The following SIMC1 variants were observed in gnomAD, a reference collection of about 807,000 sequenced individuals.
The protein encoded by SIMC1 is SUMO-interacting motif-containing protein 1.
SIMC1 carries 55 observed loss-of-function variants against 82.3 expected under a neutral mutation model. The ratio of observed to expected loss-of-function variants is 0.67; its 90% CI spans 0.54 to 0.84. The LOEUF (loss-of-function observed/expected upper bound fraction) is 0.84. Ranked by LOEUF, SIMC1 falls within the 40% of genes least tolerant of loss-of-function variation. The probability of loss-of-function intolerance (pLI) is 0.00; values close to 1 mark genes in which losing one functional copy is unlikely to be tolerated. For missense variants in SIMC1, 915 were observed against 1,107.2 expected, an observed-to-expected ratio of 0.83 and a Z score of 2.46; for synonymous variants, 353 against 426.3, an observed-to-expected ratio of 0.83 and a Z score of 2.12.
At chr5:176,274,699 G>A (rs1183534983) in intron 1 of SIMC1, among the ~76,000 whole-genome samples, 1 of 151,808 alleles carries the variant, frequency 6.6e-6, no homozygotes, top group East Asian at 1.9e-4. Context: ...GTAAGGAAGG[G>A]ATCCAGTTTC....
chr5:176,344,465 GTA>G (rs1273084187), intron 9 of SIMC1, among the ~76,000 whole-genome samples: 9 of 97,078 alleles, frequency 9.3e-5, no homozygotes, highest in South Asian at 4.0e-4. Flanking sequence ...GAGGTCAGGA[GTA>G]TACACACACA....
Position 176,306,921 on chromosome 5 carries a change from TA to T in SIMC1, c.1735-6758del, listed in dbSNP as rs778639984. On this transcript the variant is annotated intron_variant, in intron 4 of 9. Coordinates refer to ENST00000429602, the MANE Select transcript of SIMC1 (RefSeq NM_001308195.2). ...AAGAATTATCAATAAAAAAATAAAT[TA>T]AAAAAAAAAAATAATAAAGAACTCC... Among the ~76,000 whole-genome samples, 415 of 91,472 alleles carry T rather than the reference TA, an allele frequency of 4.5e-3. 1 individual carries two copies. Among genetic ancestry groups the T allele is most frequent in the South Asian group, 0.011 (33 of 3,042 alleles). The allele number at this position is 91,472 out of a possible 152,430, so 60.0% of individuals were successfully genotyped here.
chr5:176,246,078 C>T (rs1165895603), intron 1 of SIMC1, among the ~76,000 whole-genome samples: 10 of 149,276 alleles, frequency 6.7e-5, no homozygotes, highest in Admixed American at 1.3e-4. Context: ...GGCACGATCT[C>T]GGGTCACTGC....
At position 176,345,202 on chromosome 5, in the gene SIMC1, G is replaced by C; in HGVS notation, c.2433G>C (p.Val811=). The part of the protein sequence containing the change: ...HVLREHLRSS[V]IDRKDLIIKR... ...TTGCAGAACACTTAAGGAGTTCCGT[G>C]ATCGACCGAAAGGACTTAATAATCA... The change falls in exon 10 of 10, where the codon GTG becomes GTC. Residue 811 remains valine, a synonymous_variant. Coordinates refer to ENST00000429602, the MANE Select transcript of SIMC1 (RefSeq NM_001308195.2). 1 of 1,613,820 alleles carries C rather than the reference G, an allele frequency of 6.2e-7. No homozygotes were observed. The highest frequency in any genetic ancestry group is 8.5e-7 in the Non-Finnish European group (1 of 1,179,838).
chr5:176,345,043 G>C (rs922242678), intron 9 of SIMC1, 140 bp from the exon 10 acceptor site: 2 of 1,031,894 alleles, frequency 1.9e-6, no homozygotes, highest in Non-Finnish European at 2.8e-6. Flanking sequence ...AGTTACTGCA[G>C]GCACTCACAC....
chr5:176,279,343 G>A (rs528724850), intron 1 of SIMC1, among the ~76,000 whole-genome samples: 8 of 151,816 alleles, frequency 5.3e-5, no homozygotes, highest in East Asian at 3.9e-4. Flanking sequence ...TTTTTATTGC[G>A]TCTATTTGAT....
chr5:176,319,545 G>T (rs949810912), intron 5 of SIMC1, among the ~76,000 whole-genome samples: 1 of 152,060 alleles, frequency 6.6e-6, no homozygotes, highest in Non-Finnish European at 1.5e-5. Flanking sequence ...ATAATAATAG[G>T]CTGGGCACAG....
chr5:176,272,395 A>T (rs1036406468), intron 1 of SIMC1, among the ~76,000 whole-genome samples: 1 of 151,628 alleles, frequency 6.6e-6, no homozygotes, highest in East Asian at 1.9e-4. Flanking sequence ...AAAAAAAAAA[A>T]CATACAGATT....
chr5:176,326,994 C>T (rs1449595448), intron 7 of SIMC1, among the ~76,000 whole-genome samples: 2 of 152,162 alleles, frequency 1.3e-5, no homozygotes, highest in African/African-American at 4.8e-5. Flanking sequence ...ATTCAATATT[C>T]AAAGGAGGCA....
intron 1 of SIMC1, among the ~76,000 whole-genome samples, chr5:176,288,674 C>G (rs1374683338): frequency 6.6e-6 from 1 of 152,216 alleles, no homozygotes; most frequent in Non-Finnish European, 1.5e-5. Context: ...ACTTGACCCA[C>G]TCAGAATTCT....
rs1763526690 is a variant in SIMC1, at chr5:176,290,843, C to T, written c.1319C>T (p.Pro440Leu). Residue 440 changes from proline (P) to leucine (L), a missense_variant, in exon 2 of 10, where the codon CCA (proline) becomes CTA (leucine). Pro to Leu is a moderately conservative substitution (Grantham distance 98, BLOSUM62 -3). This residue lies in a region of SIMC1 where 902 missense variants were observed against 1,040.3 expected (regional missense o/e 0.87). Transcript: ENST00000429602. ...TCTGCCCACGTACAATCACGAACACCACAAGGTGGGTTGTACAACAGACCA... is the reference window on the plus strand; with the variant it reads ...TCTGCCCACGTACAATCACGAACACTACAAGGTGGGTTGTACAACAGACCA... The part of the protein sequence containing the change: ...PGSAHVQSRT[P>L]QGGLYNRPCL... 1.2e-6 allele frequency: 2 copies of T among 1,613,726 alleles called. No homozygotes were observed. The highest frequency in any genetic ancestry group is 1.7e-6 in the Non-Finnish European group (2 of 1,179,720).
chr5:176,247,734 G>C (rs1018570038), intron 1 of SIMC1, among the ~76,000 whole-genome samples: 7 of 68,550 alleles, frequency 1.0e-4, no homozygotes, highest in African/African-American at 3.5e-4. Context: ...GGTTTTTATG[G>C]TTTTAGGTTT....
chr5:176,273,212 G>A (rs557200224), intron 1 of SIMC1, among the ~76,000 whole-genome samples: 222 of 152,284 alleles, frequency 1.5e-3, no homozygotes, highest in African/African-American at 4.7e-3. Context: ...TCATACAGCC[G>A]GGTGCCCCTC....
At chr5:176,249,355 G>A (rs368956789) in intron 1 of SIMC1, among the ~76,000 whole-genome samples, 5 of 151,882 alleles carry the variant, frequency 3.3e-5, no homozygotes, top group Non-Finnish European at 7.4e-5. Context: ...CCAGGACATT[G>A]TCCATTTCTT....
At chr5:176,314,033 G>A (rs1462920702) in intron 5 of SIMC1, among the ~76,000 whole-genome samples, 188 bp downstream of exon 5, 1 of 152,194 alleles carries the variant, frequency 6.6e-6, no homozygotes, top group Non-Finnish European at 1.5e-5. Flanking sequence ...TTGGGAGGCC[G>A]AGGTGGGCGG....
At chr5:176,260,518 T>C (rs888182811) in intron 1 of SIMC1, among the ~76,000 whole-genome samples, 5 of 152,178 alleles carry the variant, frequency 3.3e-5, no homozygotes, top group Non-Finnish European at 7.3e-5. Context: ...TCTTATTGAT[T>C]TTAATTTTTT....
At chr5:176,337,982 G>T (rs1047914664) in intron 9 of SIMC1, among the ~76,000 whole-genome samples, 2 of 152,180 alleles carry the variant, frequency 1.3e-5, no homozygotes, top group East Asian at 3.8e-4. Flanking sequence ...GATTAATGAG[G>T]CCTGTGGGGA....
chr5:176,344,468 T>TACACACACAC (rs57991528), intron 9 of SIMC1, among the ~76,000 whole-genome samples: 75 of 146,648 alleles, frequency 5.1e-4, no homozygotes, highest in African/African-American at 1.7e-3. Flanking sequence ...GTCAGGAGTA[T>TACACACACAC]ACACACACAC....
intron 1 of SIMC1, among the ~76,000 whole-genome samples, chr5:176,268,242 A>G (rs201457022): frequency 0.17 from 16,726 of 97,122 alleles, 1,608 homozygotes; most frequent in East Asian, 0.26. Flanking sequence ...AAAGAGGGAC[A>G]ATGAAACAAA....
Sources: allele counts gnomAD v4.1 joint callset (sites outside exome capture counted in the v4.1 genomes callset), GRCh38; gene constraint gnomAD v4.1.1; regional missense constraint gnomAD v4.1.1; transcripts MANE v1.5; gene names NCBI Gene and HGNC (gene_info 2026-07-23, HGNC 2026-07-21).